The following CEP170 variants were observed in gnomAD, a reference collection of about 807,000 sequenced individuals.
The protein encoded by CEP170 is centrosomal protein 170, also known as centrosomal protein of 170 kDa.
CEP170 carries 21 observed loss-of-function variants against 151.9 expected under a neutral mutation model. The ratio of observed to expected loss-of-function variants is 0.14; its 90% CI spans 0.10 to 0.20. CEP170 has a LOEUF of 0.20. Among genes scored for constraint, CEP170 ranks in the 10% least tolerant of loss-of-function variants. The pLI is 1.00. For synonymous variants in CEP170, 356 were observed against 648.8 expected, an observed-to-expected ratio of 0.55 and a Z score of 6.86; for missense variants, 964 against 1,892.9, an observed-to-expected ratio of 0.51 and a Z score of 9.11.
At chr1:243,190,103 A>C (rs1275547900) in intron 8 of CEP170, among the ~76,000 whole-genome samples, 1 of 152,236 alleles carries the variant, frequency 6.6e-6, no homozygotes, top group Non-Finnish European at 1.5e-5. Flanking sequence ...ATTGACAGAG[A>C]AATCGCCCAT....
intron 1 of CEP170, among the ~76,000 whole-genome samples, chr1:243,245,465 C>A (rs1572654798): frequency 1.3e-5 from 2 of 151,984 alleles, no homozygotes; most frequent in East Asian, 3.9e-4. Flanking sequence ...CCTGTAATCC[C>A]AGCACTTTGG....
intron 7 of CEP170, among the ~76,000 whole-genome samples, chr1:243,192,645 T>C (rs1284149169): frequency 6.6e-6 from 1 of 152,230 alleles, no homozygotes; most frequent in Non-Finnish European, 1.5e-5. Context: ...CTAGGTTGTT[T>C]CCAAACATTT....
At chr1:243,252,153 T>C (rs1255197809) in intron 1 of CEP170, among the ~76,000 whole-genome samples, 1 of 152,174 alleles carries the variant, frequency 6.6e-6, no homozygotes, top group East Asian at 1.9e-4. Context: ...GTCAATACTA[T>C]CTACTCACCA....
chr1:243,245,771 C>T (rs1029620031), intron 1 of CEP170, among the ~76,000 whole-genome samples: 21 of 151,234 alleles, frequency 1.4e-4, no homozygotes, highest in Admixed American at 1.3e-4. Context: ...AAAAAAAACA[C>T]AAAAAAGAAA....
At chr1:243,180,329 A>G (rs1162707062) in intron 10 of CEP170, among the ~76,000 whole-genome samples, 1 of 152,236 alleles carries the variant, frequency 6.6e-6, no homozygotes, top group East Asian at 1.9e-4. Context: ...TCCCTCGTGA[A>G]GCTTTGGAAA....
chr1:243,191,708 G>A (rs2060316440), intron 7 of CEP170, among the ~76,000 whole-genome samples: 1 of 152,084 alleles, frequency 6.6e-6, no homozygotes, highest in Admixed American at 6.6e-5. Flanking sequence ...GGGGATGGAA[G>A]ATAAGCAGCA....
At chr1:243,253,615 A>G (rs551323061) in intron 1 of CEP170, among the ~76,000 whole-genome samples, 1 of 152,302 alleles carries the variant, frequency 6.6e-6, no homozygotes, top group South Asian at 2.1e-4. Context: ...CTGTTTCCAG[A>G]GCTGAATTCC....
At chr1:243,166,530 T>G in intron 12 of CEP170, 1 of 169,186 alleles carries the variant, frequency 5.9e-6, no homozygotes. Flanking sequence ...ACAAAACCTA[T>G]GGCTAGAGAG....
intron 1 of CEP170, among the ~76,000 whole-genome samples, chr1:243,246,830 T>C (rs531477252): frequency 6.6e-6 from 1 of 152,178 alleles, no homozygotes; most frequent in Non-Finnish European, 1.5e-5. Context: ...ATGCATTATA[T>C]GCATTTTTTA....
At chr1:243,248,844 C>A (rs1238945430) in intron 1 of CEP170, among the ~76,000 whole-genome samples, 1 of 152,126 alleles carries the variant, frequency 6.6e-6, no homozygotes, top group Admixed American at 6.6e-5. Flanking sequence ...AACCTCATTT[C>A]CTCCTATAAG....
intron 1 of CEP170, among the ~76,000 whole-genome samples, chr1:243,226,168 GATATATATATATCT>G (rs2063266420): frequency 1.3e-4 from 11 of 83,944 alleles, no homozygotes; most frequent in African/African-American, 4.2e-4. Flanking sequence ...TCTCTCTATA[GATATATATATATCT>G]AGATATATAT....
chr1:243,153,524 A>C (rs2057300268), intron 14 of CEP170, among the ~76,000 whole-genome samples: 1 of 152,232 alleles, frequency 6.6e-6, no homozygotes, highest in Non-Finnish European at 1.5e-5. Flanking sequence ...GCCTTCAGCA[A>C]CCACTGCCCT....
At chr1:243,204,025 C>T (rs776601259) in intron 4 of CEP170, among the ~76,000 whole-genome samples, 14 of 152,078 alleles carry the variant, frequency 9.2e-5, no homozygotes, top group Non-Finnish European at 1.6e-4. Context: ...ACATAGTTTT[C>T]AAACAACTGA....
rs1361667604 is a variant in CEP170 at position 243,217,344 on chromosome 1, T to G, written c.195+4380A>C. On this transcript the variant is annotated intron_variant, in intron 3 of 19. Transcript: ENST00000366542. ...GAAGAGGAGTGCTACAGTTCTGAAA[T>G]TCTGAGCCAATTTTATTTGAAACTT... is the stretch of plus-strand genomic sequence containing the variant. 2.0e-5 allele frequency among the ~76,000 whole-genome samples: 3 copies of G among 152,202 alleles called. No individual in the cohort carries two copies. The East Asian group carries it at 5.8e-4, about 29-fold the overall frequency.
Position 243,186,025 on chromosome 1 carries a change from T to C in CEP170, c.1320A>G (p.Lys440=). The part of the protein sequence containing the change: ...HRGGHGVPHG[K]LLKQKSEEPS... ...GCTCCTCTGATTTCTGTTTTAACAA[T>C]TTCCCATGTGGAACACCATGCCCCC... The change falls in exon 10 of 20, where the codon AAA becomes AAG. Residue 440 remains lysine (K), a synonymous_variant. Transcript: ENST00000366542. 1.2e-6 allele frequency: 2 copies of C among 1,613,782 alleles called. No homozygotes were observed. Among genetic ancestry groups the C allele is most frequent in the African/African-American group, 2.7e-5 (2 of 75,048 alleles).
intron 1 of CEP170, among the ~76,000 whole-genome samples, chr1:243,237,126 A>C (rs1400552129): frequency 6.6e-6 from 1 of 152,218 alleles, no homozygotes; most frequent in Non-Finnish European, 1.5e-5. Flanking sequence ...TATTTAGTGA[A>C]TATATCACTA....
chr1:243,133,118 C>T (rs2054611857), intron 17 of CEP170, among the ~76,000 whole-genome samples: 1 of 152,238 alleles, frequency 6.6e-6, no homozygotes, highest in African/African-American at 2.4e-5. Flanking sequence ...CTTCACATAG[C>T]TTTTGAGTAA....
chr1:243,169,316 C>T lies in CEP170; in HGVS notation c.1843+312G>A, dbSNP rs144716262. The T allele has an allele frequency of 1.7e-3, 423 of 247,782 alleles. 1 individual carries two copies. The highest frequency in any genetic ancestry group is 8.4e-3 in the African/African-American group (365 of 43,712). The allele number at this position is 247,782 out of a possible 1,614,324, so 15.3% of individuals were successfully genotyped here. Reference sequence around the variant, plus strand: ...CCTGTCCTTAGGAAGTCTCAACTTACGAAGTCCACAAAATTTCTCAAAAAA... The same window carrying T: ...CCTGTCCTTAGGAAGTCTCAACTTATGAAGTCCACAAAATTTCTCAAAAAA... On this transcript the variant is annotated intron_variant, in intron 12 of 19. Coordinates refer to ENST00000366542, the MANE Select transcript of CEP170 (RefSeq NM_014812.3).
At position 243,140,057 on chromosome 1, in the gene CEP170, T is replaced by C; in HGVS notation, c.4110A>G (p.Pro1370=). The stretch of plus-strand genomic sequence containing the variant: ...CTTCTGGTGTTTTGGAATGAACTAA[T>C]GGAGGAATCTTTCGGAAGTTGAGGC... ...DESLNFRKIP[P]LVHSKTPEGN... is the part of the protein sequence containing the mutation. The change falls in exon 16 of 20, where the codon CCA becomes CCG. Residue 1370 remains proline (P), a synonymous_variant. Transcript: ENST00000366542. The C allele has an allele frequency of 6.2e-7, 1 of 1,613,928 alleles. No individual in the cohort carries two copies. Among genetic ancestry groups the C allele is most frequent in the Non-Finnish European group, 8.5e-7 (1 of 1,179,834 alleles).
Sources: gnomAD v4.1 joint callset for allele counts (sites outside exome capture counted in the v4.1 genomes callset) on GRCh38, gnomAD v4.1.1 for gene constraint, MANE v1.5 for transcripts, NCBI Gene and HGNC (gene_info 2026-07-23, HGNC 2026-07-21) for gene names.